AKR1C3: variants seen among roughly 807,000 people sequenced by gnomAD.
The protein encoded by AKR1C3 is 3-alpha hydroxysteroid dehydrogenase, type II.
In AKR1C3, 48 loss-of-function variants were observed where a neutral mutation model predicts 43.6. The ratio of observed to expected loss-of-function variants is 1.10; its 90% confidence interval spans 0.87 to 1.40. The LOEUF is 1.40. AKR1C3 is among the 40% of genes most tolerant of loss of function. AKR1C3 has a pLI of 0.00. For missense variants in AKR1C3, 482 were observed against 391.2 expected (o/e 1.23, Z -1.96); for synonymous variants, 162 against 139.6 (o/e 1.16, Z -1.13).
At chr10:5,064,921 C>CAAA (rs35858845) in intron 1 of AKR1C3, among the ~76,000 whole-genome samples, 1,429 of 141,894 alleles carry the variant, frequency 0.01, 24 homozygotes, top group African/African-American at 0.032. Context: ...ACAAAATAAG[C>CAAA]AAAAAAAAAA....
intron 1 of AKR1C3, among the ~76,000 whole-genome samples, chr10:5,065,013 G>A (rs781907843): frequency 6.6e-6 from 1 of 151,720 alleles, no homozygotes; most frequent in African/African-American, 2.4e-5. Context: ...TGAAAAAAAT[G>A]TTCAACATCA....
At position 5,099,427 on chromosome 10, in the gene AKR1C3, A is replaced by AGT; in HGVS notation, c.549_550dup (p.Tyr184CysfsTer9). On this transcript the variant is annotated frameshift_variant, in exon 5 of 9. Coordinates refer to ENST00000380554, the MANE Select transcript of AKR1C3 (RefSeq NM_003739.6). LOFTEE classifies it high-confidence loss of function. ...ATGATCCTCAACAAGCCAGGACTCA[A>AGT]GTACAAGCCTGTCTGCAACCAGGTG... 1 of 1,614,206 alleles carries AGT rather than the reference A, an allele frequency of 6.2e-7. No individual in the cohort carries two copies. The highest frequency in any genetic ancestry group is 8.5e-7 in the Non-Finnish European group (1 of 1,180,038).
chr10:5,062,090 T>TG (rs1415550385), intron 1 of AKR1C3, among the ~76,000 whole-genome samples: 1 of 152,216 alleles, frequency 6.6e-6, no homozygotes, highest in East Asian at 1.9e-4. Context: ...CAGCTAATCA[T>TG]GGGGACATAA....
At chr10:5,054,079 C>T (rs1026046735) in intron 1 of AKR1C3, among the ~76,000 whole-genome samples, 7 of 152,164 alleles carry the variant, frequency 4.6e-5, no homozygotes, top group Admixed American at 1.3e-4. Context: ...CTGTAAGCGC[C>T]GGTTGGCATC....
chr10:5,050,785 G>A (rs78859634), intron 1 of AKR1C3, among the ~76,000 whole-genome samples: 6,338 of 152,106 alleles, frequency 0.042, 456 homozygotes, highest in African/African-American at 0.14. Context: ...CATATTCCTG[G>A]ATATTGGACC....
intron 7 of AKR1C3, among the ~76,000 whole-genome samples, chr10:5,104,777 A>T (rs1010988929): frequency 6.6e-6 from 1 of 152,238 alleles, no homozygotes; most frequent in South Asian, 2.1e-4. Flanking sequence ...CCATTAAACC[A>T]TATGTATTTT....
At chr10:5,096,138 A>G in intron 1 of AKR1C3, 1 of 321,118 alleles carries the variant, frequency 3.1e-6, no homozygotes, top group Admixed American at 4.4e-5. Context: ...TATTTCAGTC[A>G]TGTTAACTTT....
intron 1 of AKR1C3, among the ~76,000 whole-genome samples, chr10:5,050,867 T>C (rs1289889572): frequency 1.3e-5 from 2 of 152,186 alleles, no homozygotes; most frequent in African/African-American, 2.4e-5. Flanking sequence ...AGGCACTAGG[T>C]AATAAATAAA....
At chr10:5,104,260 A>C (rs1172578841) in intron 7 of AKR1C3, among the ~76,000 whole-genome samples, 1 of 152,150 alleles carries the variant, frequency 6.6e-6, no homozygotes. Context: ...TGTAAATTCA[A>C]ATGAATTTCT....
At chr10:5,085,906 G>A (rs1838954443) in intron 1 of AKR1C3, among the ~76,000 whole-genome samples, 1 of 151,842 alleles carries the variant, frequency 6.6e-6, no homozygotes, top group African/African-American at 2.4e-5. Context: ...GTATTTCTGA[G>A]GGATCGGTGG....
intron 1 of AKR1C3, among the ~76,000 whole-genome samples, chr10:5,053,206 G>C (rs952706204): frequency 6.6e-6 from 1 of 152,222 alleles, no homozygotes; most frequent in African/African-American, 2.4e-5. Flanking sequence ...GGCAGCGCTC[G>C]TCAGGGAGGC....
intron 1 of AKR1C3, among the ~76,000 whole-genome samples, chr10:5,095,282 T>C (rs1554784950): frequency 6.6e-6 from 1 of 152,066 alleles, no homozygotes; most frequent in East Asian, 1.9e-4. Context: ...AGGAACTAAT[T>C]ATTGAAATTT....
chr10:5,074,721 A>G (rs1838676276), intron 1 of AKR1C3, among the ~76,000 whole-genome samples: 1 of 152,164 alleles, frequency 6.6e-6, no homozygotes, highest in Non-Finnish European at 1.5e-5. Flanking sequence ...TGGCTACAAG[A>G]TGAAAGGCTA....
At chr10:5,090,159 G>A (rs919412317), upstream of AKR1C3, among the ~76,000 whole-genome samples, 17 of 152,114 alleles carry the variant, frequency 1.1e-4, no homozygotes, top group African/African-American at 3.9e-4. Flanking sequence ...GGGATGGACC[G>A]TGGAATGATC....
At position 5,097,513 on chromosome 10, in the gene AKR1C3, T is replaced by A. The variant is rs145644085; in HGVS notation, c.332T>A (p.Val111Asp). Residue 111 changes from valine (V) to aspartate (D), a missense_variant, in exon 3 of 9, where the codon GTT becomes GAT. By Grantham distance (152) the Val-to-Asp change is radical. Coordinates refer to ENST00000380554, the MANE Select transcript of AKR1C3 (RefSeq NM_003739.6). Reference sequence around the variant, plus strand: ...CTGAAGAAAGCTCAATTGGACTATGTTGACCTCTATCTTATTCATTCTCCA... The same window carrying A: ...CTGAAGAAAGCTCAATTGGACTATGATGACCTCTATCTTATTCATTCTCCA... ...NSLKKAQLDY[V>D]DLYLIHSPMS... 8.4e-5 allele frequency: 135 copies of A among 1,613,692 alleles called. No homozygotes were observed. The highest frequency in any genetic ancestry group is 1.1e-4 in the Non-Finnish European group (133 of 1,179,746).
In AKR1C3 at chr10:5,107,598, A is replaced by G. The variant is rs1170235471; in HGVS notation, c.*95A>G. The G allele has an allele frequency of 9.2e-6, 9 of 982,822 alleles. No homozygotes were observed. The highest frequency in any genetic ancestry group is 2.2e-5 in the Admixed American group (1 of 45,584). 60.9% of individuals were successfully genotyped at this position (982,822 alleles called of 1,614,324 possible). ...GCCGGTGACTGGACATATCACCTCT[A>G]CTTAAATCCGTCCTGTTTAGCGACT... is the stretch of plus-strand genomic sequence containing the variant. On this transcript the variant is annotated 3_prime_UTR_variant, in exon 9 of 9. Transcript: ENST00000380554.
At chr10:5,085,503 T>G (rs1217886625) in intron 1 of AKR1C3, among the ~76,000 whole-genome samples, 1 of 151,846 alleles carries the variant, frequency 6.6e-6, no homozygotes, top group Admixed American at 6.5e-5. Context: ...GATTTTTGCA[T>G]CGATTTCATC....
chr10:5,077,556 G>C, intron 1 of AKR1C3: 1 of 562,550 alleles, frequency 1.8e-6, no homozygotes, highest in Middle Eastern at 8.9e-4. Context: ...TGCAAGGTTT[G>C]TCTTTTGAAT....
upstream of AKR1C3, among the ~76,000 whole-genome samples, chr10:5,089,437 T>G (rs1554783764): frequency 6.6e-6 from 1 of 152,146 alleles, no homozygotes; most frequent in African/African-American, 2.4e-5. Flanking sequence ...CTTTGTTCAT[T>G]TATAACAATT....
Sources: allele counts gnomAD v4.1 joint callset (sites outside exome capture counted in the v4.1 genomes callset), GRCh38; gene constraint gnomAD v4.1.1; transcripts MANE v1.5; gene names NCBI Gene and HGNC (gene_info 2026-07-23, HGNC 2026-07-21).